ATP10B: variants seen among roughly 807,000 people sequenced by gnomAD.
ATP10B encodes phospholipid-transporting ATPase VB.
ATP10B carries 122 observed loss-of-function variants against 141.2 expected under a neutral mutation model. The ratio of observed to expected loss-of-function variants is 0.86; its 90% CI spans 0.75 to 1.00. The LOEUF is 1.00. Among genes scored for constraint, ATP10B ranks in the 50% least tolerant of loss-of-function variants. The probability of loss-of-function intolerance (pLI) is 0.00; values close to 1 mark genes in which losing one functional copy is unlikely to be tolerated. For missense variants in ATP10B, 1,876 were observed against 1,825.3 expected, an observed-to-expected ratio of 1.03 and a Z score of -0.51; for synonymous variants, 685 against 692.0, an observed-to-expected ratio of 0.99 and a Z score of 0.16.
the ATP10B span, among the ~76,000 whole-genome samples, chr5:160,861,764 C>T: frequency 1.3e-5 from 2 of 151,820 alleles, no homozygotes; most frequent in African/African-American, 4.8e-5. Flanking sequence ...CTCCTTTACA[C>T]ACTTAAAAAT....
At chr5:160,658,998 T>G (rs896827404) in intron 7 of ATP10B, among the ~76,000 whole-genome samples, 3 of 152,206 alleles carry the variant, frequency 2.0e-5, no homozygotes, top group African/African-American at 7.2e-5. Flanking sequence ...AGATATCAAA[T>G]ATTTCCCACA....
intron 6 of ATP10B, among the ~76,000 whole-genome samples, chr5:160,680,485 T>C (rs1447799072): frequency 6.6e-6 from 1 of 152,184 alleles, no homozygotes; most frequent in East Asian, 1.9e-4. Context: ...ACTTCAGAGG[T>C]GGAAAAACTT....
At chr5:160,870,165 T>C in the ATP10B span, among the ~76,000 whole-genome samples, 102 of 152,066 alleles carry the variant, frequency 6.7e-4, no homozygotes, top group Admixed American at 1.4e-3. Context: ...TCCTGTCCCA[T>C]GCAAGGGGAA....
the ATP10B span, among the ~76,000 whole-genome samples, chr5:160,892,861 G>A: frequency 6.6e-6 from 1 of 152,130 alleles, no homozygotes; most frequent in East Asian, 1.9e-4. Context: ...TATCTCACTG[G>A]GACCAGTTAG....
At chr5:160,927,220 C>T in the ATP10B span, among the ~76,000 whole-genome samples, 1 of 152,154 alleles carries the variant, frequency 6.6e-6, no homozygotes, top group African/African-American at 2.4e-5. Flanking sequence ...GATATGCGAG[C>T]AAAGTGCACT....
At chr5:160,891,712 A>G in the ATP10B span, among the ~76,000 whole-genome samples, 1 of 152,224 alleles carries the variant, frequency 6.6e-6, no homozygotes, top group Non-Finnish European at 1.5e-5. Context: ...TGCTGGGATT[A>G]CAGGTGTGAG....
Position 160,806,941 on chromosome 5 carries a change from G to A in ATP10B, c.-575-21138C>T, listed in dbSNP as rs115923429. 6.3e-3 allele frequency among the ~76,000 whole-genome samples: 966 copies of A among 152,206 alleles called. 11 individuals are homozygous for A. The highest frequency in any genetic ancestry group is 0.022 in the African/African-American group (896 of 41,510). ...CTGTAGGGAAATTTCCTTCATGTAG[G>A]AGGTCAACAGAGTGCAAATGAAATT... is the stretch of plus-strand genomic sequence containing the variant. On this transcript the variant is annotated intron_variant, in intron 1 of 25. Coordinates refer to ENST00000327245, the MANE Select transcript of ATP10B (RefSeq NM_025153.3).
chr5:160,590,587 CATT>C (rs1328013917), intron 23 of ATP10B, among the ~76,000 whole-genome samples: 2 of 152,270 alleles, frequency 1.3e-5, no homozygotes, highest in African/African-American at 4.8e-5. Flanking sequence ...TGTAGTATCT[CATT>C]ATCGGAACTT....
the ATP10B span, among the ~76,000 whole-genome samples, chr5:160,903,775 CT>C: frequency 6.6e-6 from 1 of 152,128 alleles, no homozygotes; most frequent in Non-Finnish European, 1.5e-5. Context: ...GCCTGCCCTT[CT>C]TGTATTTTCC....
In ATP10B at chr5:160,808,316, C is replaced by T. The variant is rs1772923400; in HGVS notation, c.-575-22513G>A. On this transcript the variant is annotated intron_variant, in intron 1 of 25. Transcript: ENST00000327245. Reference sequence around the variant, plus strand: ...ATTTGCGATTTTATTATTCTGATATCCCCGGAAATGGTGATTGTAGCATAT... The same window carrying T: ...ATTTGCGATTTTATTATTCTGATATTCCCGGAAATGGTGATTGTAGCATAT... Among the ~76,000 whole-genome samples, 3 of 152,136 alleles carry T rather than the reference C, an allele frequency of 2.0e-5. No individual in the cohort carries two copies. In the South Asian group the frequency reaches 6.2e-4, roughly 31 times the overall value.
intron 23 of ATP10B, 95 bp downstream of exon 23, chr5:160,590,964 G>C: frequency 9.5e-7 from 1 of 1,050,998 alleles, no homozygotes; most frequent in Non-Finnish European, 1.4e-6. Flanking sequence ...CTGCTCTAAA[G>C]TGTCCAGAAG....
rs554840912 is a variant in ATP10B, at chr5:160,642,272, A to G, written c.869-1680T>C. ...ATGAAGTGGGAAAATAAATCAATAC[A>G]CACAAAGTACTAAATTAGTTTCTGG... On this transcript the variant is annotated intron_variant, in intron 9 of 25. Coordinates refer to ENST00000327245, the MANE Select transcript of ATP10B (RefSeq NM_025153.3). 3.3e-4 allele frequency among the ~76,000 whole-genome samples: 50 copies of G among 152,304 alleles called. 1 individual carries two copies. In the South Asian group the frequency reaches 9.3e-3, roughly 28 times the overall value.
At chr5:160,743,574 G>A (rs1767619697) in intron 2 of ATP10B, among the ~76,000 whole-genome samples, 1 of 152,140 alleles carries the variant, frequency 6.6e-6, no homozygotes, top group Admixed American at 6.5e-5. Flanking sequence ...CAACTGACTT[G>A]AGGTCAAGTG....
intron 24 of ATP10B, among the ~76,000 whole-genome samples, chr5:160,579,291 T>C (rs2127600096): frequency 6.6e-6 from 1 of 152,386 alleles, no homozygotes; most frequent in African/African-American, 2.4e-5. Flanking sequence ...CTAGGGTTTT[T>C]ATGGTTTTAG....
chr5:160,611,856 A>G (rs975225748), intron 18 of ATP10B: 55 of 152,348 alleles, frequency 3.6e-4, no homozygotes, highest in African/African-American at 1.3e-3. Context: ...CTTCTGGTTA[A>G]TATCCTCCAT....
intron 24 of ATP10B, among the ~76,000 whole-genome samples, chr5:160,579,157 G>T (rs1339560707): frequency 1.3e-5 from 2 of 152,164 alleles, no homozygotes; most frequent in Admixed American, 6.6e-5. Flanking sequence ...TTCTTTTGCT[G>T]TGCAGAAGCT....
chr5:160,781,881 T>C (rs1480549551), intron 2 of ATP10B, among the ~76,000 whole-genome samples: 1 of 152,206 alleles, frequency 6.6e-6, no homozygotes, highest in Non-Finnish European at 1.5e-5. Context: ...GATAAACTCT[T>C]GACTGACAAG....
At chr5:160,671,705 C>T (rs1295962197) in intron 6 of ATP10B, among the ~76,000 whole-genome samples, 3 of 152,280 alleles carry the variant, frequency 2.0e-5, no homozygotes, top group South Asian at 4.2e-4. Context: ...TTCTTACCTG[C>T]CAAGCACTTG....
At chr5:160,897,278 G>A in the ATP10B span, among the ~76,000 whole-genome samples, 1 of 152,168 alleles carries the variant, frequency 6.6e-6, no homozygotes, top group Non-Finnish European at 1.5e-5. Flanking sequence ...TGACATGATT[G>A]TATATTTAGA....
Sources: gnomAD v4.1 joint callset for allele counts (sites outside exome capture counted in the v4.1 genomes callset) on GRCh38, gnomAD v4.1.1 for gene constraint, MANE v1.5 for transcripts, NCBI Gene and HGNC (gene_info 2026-07-23, HGNC 2026-07-21) for gene names.